CHD8: variants seen among roughly 807,000 people sequenced by gnomAD.
The protein encoded by CHD8 is ATP-dependent chromatin remodeler CHD8.
In CHD8, 31 loss-of-function variants were observed where a neutral mutation model predicts 279.2. That is an observed-to-expected ratio of 0.11 (90% CI 0.08 to 0.15). The LOEUF is 0.15. Among genes scored for constraint, CHD8 ranks in the 10% least tolerant of loss-of-function variants. The pLI is 1.00. For missense variants in CHD8, 2,146 were observed against 3,230.5 expected, an observed-to-expected ratio of 0.66 and a Z score of 8.14; for synonymous variants, 1,081 against 1,139.6, an observed-to-expected ratio of 0.95 and a Z score of 1.04.
In CHD8 at chr14:21,428,081, C is replaced by T; in HGVS notation, c.1389G>A (p.Arg463=). 6.2e-7 allele frequency: 1 copy of T among 1,614,016 alleles called. No individual in the cohort carries two copies. The highest frequency in any genetic ancestry group is 1.3e-5 in the African/African-American group (1 of 75,042). Reference sequence around the variant, plus strand: ...CTCTCGCAATGGCCTCTGCTACAATCCGATTTGCTTTCTCTTGCTTCTTCT... The same window carrying T: ...CTCTCGCAATGGCCTCTGCTACAATTCGATTTGCTTTCTCTTGCTTCTTCT... The part of the protein sequence containing the change: ...EHQKKQEKAN[R]IVAEAIARAR... Residue 463 remains arginine, a synonymous_variant, in exon 4 of 38, where the codon CGG becomes CGA. Coordinates refer to ENST00000646647, the MANE Select transcript of CHD8 (RefSeq NM_001170629.2).
At chr14:21,398,821 C>T (rs1887904260) in intron 26 of CHD8, 1 of 195,302 alleles carries the variant, frequency 5.1e-6, no homozygotes, top group South Asian at 8.6e-5. Flanking sequence ...CTGCCTCATA[C>T]CTATATCAGA....
At position 21,444,268 on chromosome 14, in the gene CHD8, G is replaced by GA. The variant is rs796639539; in HGVS notation, c.-216+11763dup. Among the ~76,000 whole-genome samples, 55 of 151,970 alleles carry GA rather than the reference G, an allele frequency of 3.6e-4. 2 individuals are homozygous for GA. Among genetic ancestry groups the GA allele is most frequent in the Middle Eastern group, 3.4e-3 (1 of 294 alleles). ...TTGACAAATGTTGTTGGATAAATTG[G>GA]AAAAAAAATTGTTTTTGCTAATATC... On this transcript the variant is annotated intron_variant, in intron 1 of 37. Coordinates refer to ENST00000646647, the MANE Select transcript of CHD8 (RefSeq NM_001170629.2).
In CHD8 at chr14:21,394,151, T is replaced by C; in HGVS notation, c.5644A>G (p.Arg1882Gly). 3.1e-6 allele frequency: 5 copies of C among 1,608,870 alleles called. No homozygotes were observed. The South Asian group carries it at 5.5e-5, about 18-fold the overall frequency. Residue 1882 changes from arginine (R) to glycine (G), a missense_variant, in exon 32 of 38, where the codon AGA becomes GGA. Around this residue, in one of 26 missense-constraint regions of CHD8, gnomAD observed 513 missense variants for 637.6 expected, o/e 0.80. Transcript: ENST00000646647. ...ATACGGTAGAGAGTCCGTGAGGCTCTCTCCTCAGTGATGGGCTCAATGAAC... is the reference window on the plus strand; with the variant it reads ...ATACGGTAGAGAGTCCGTGAGGCTCCCTCCTCAGTGATGGGCTCAATGAAC... The part of the protein sequence containing the change: ...NLFIEPITEE[R>G]ASRTLYRIEL...
At chr14:21,392,418 A>G in intron 34 of CHD8, 89 bp downstream of exon 34, 1 of 1,267,802 alleles carries the variant, frequency 7.9e-7, no homozygotes. Flanking sequence ...TAGCTAACCA[A>G]ATGAGTTTAG....
intron 3 of CHD8, 142 bp from the exon 4 acceptor site, chr14:21,428,396 A>G: frequency 1.3e-6 from 1 of 741,218 alleles, no homozygotes; most frequent in Non-Finnish European, 2.1e-6. Context: ...TTGAACCTAC[A>G]CCTACTTTTT....
rs747391704 is a variant in CHD8 at position 21,394,441 on chromosome 14, G to T, written c.5435C>A (p.Thr1812Lys). 1 of 1,612,278 alleles carries T rather than the reference G, an allele frequency of 6.2e-7. No individual in the cohort carries two copies. Among genetic ancestry groups the T allele is most frequent in the Admixed American group, 1.7e-5 (1 of 59,640 alleles). Residue 1812 changes from threonine to lysine, a missense_variant, in exon 31 of 38, where the codon ACG becomes AAG. By Grantham distance (78) the Thr-to-Lys change is moderately conservative (BLOSUM62 -1). Around this residue, in one of 26 missense-constraint regions of CHD8, gnomAD observed 513 missense variants for 637.6 expected, o/e 0.80. Transcript: ENST00000646647. The stretch of plus-strand genomic sequence containing the variant: ...GTCAGGGTCATATTCCACACCAAAC[G>T]TAGACACCACTCGATAAAAATCAGT... Reference protein sequence around the residue: ...EQTDFYRVVSTFGVEYDPDTM... With the variant: ...EQTDFYRVVSKFGVEYDPDTM...
At chr14:21,422,931 A>G (rs1594369343) in intron 5 of CHD8, among the ~76,000 whole-genome samples, 1 of 152,298 alleles carries the variant, frequency 6.6e-6, no homozygotes, top group East Asian at 1.9e-4. Flanking sequence ...TCTGTCTCAG[A>G]AAAAAAGAAG....
At chr14:21,441,456 G>C (rs572515500) in intron 1 of CHD8, among the ~76,000 whole-genome samples, 45 of 152,290 alleles carry the variant, frequency 3.0e-4, no homozygotes, top group African/African-American at 1.1e-3. Context: ...TGATAGAATT[G>C]TTTATTGGCC....
At position 21,431,624 on chromosome 14, in the gene CHD8, T is replaced by C; in HGVS notation, c.20A>G (p.Asp7Gly). 6.5e-7 allele frequency: 1 copy of C among 1,539,592 alleles called. No individual in the cohort carries two copies. Among genetic ancestry groups the C allele is most frequent in the African/African-American group, 1.4e-5 (1 of 73,106 alleles). ...AAATAAATTTGGGTCATCGAACAGA[T>C]CCATGATGGGGTCTGCCATCTTGGG... MADPIM[D>G]LFDDPNLFGL... is the part of the protein sequence containing the mutation. The change falls in exon 2 of 38, where the codon GAT becomes GGT. Residue 7 changes from aspartate to glycine, a missense_variant. Transcript: ENST00000646647.
chr14:21,439,848 A>T (rs1298642411), intron 1 of CHD8, among the ~76,000 whole-genome samples: 1 of 152,256 alleles, frequency 6.6e-6, no homozygotes, highest in East Asian at 1.9e-4. Context: ...TCTGAGCCTA[A>T]TATTGCTGCC....
intron 37 of CHD8, among the ~76,000 whole-genome samples, chr14:21,387,873 G>T (rs1241114369): frequency 1.3e-5 from 2 of 150,278 alleles, no homozygotes; most frequent in Non-Finnish European, 3.0e-5. Flanking sequence ...GATTTTCTAT[G>T]ATATTTCTTA....
At chr14:21,423,590 G>A (rs146755977) in intron 5 of CHD8, among the ~76,000 whole-genome samples, 3 of 152,154 alleles carry the variant, frequency 2.0e-5, no homozygotes, top group African/African-American at 4.8e-5. Context: ...AGGCTGGAGT[G>A]CAGTAGCATG....
Position 21,401,199 on chromosome 14 carries a change from T to C in CHD8, c.4174-128A>G, listed in dbSNP as rs116406114. 1,759 of 902,732 alleles carry C rather than the reference T, an allele frequency of 1.9e-3. 17 individuals are homozygous for C. The African/African-American group carries it at 0.024, about 12-fold the overall frequency. The allele number at this position is 902,732 out of a possible 1,614,324, so 55.9% of individuals were successfully genotyped here. A position where few individuals can be genotyped will look rare whatever the true frequency, so the allele number is the denominator to read the frequency against. ...TACTCAGAGATTTTTTTAAATGACATGTAAAATAATCTACAGAAAGCAAAA... is the reference window on the plus strand; with the variant it reads ...TACTCAGAGATTTTTTTAAATGACACGTAAAATAATCTACAGAAAGCAAAA... On this transcript the variant is annotated intron_variant, in intron 21 of 37. Transcript: ENST00000646647.
At chr14:21,423,294 CATA>C (rs540028256) in intron 5 of CHD8, among the ~76,000 whole-genome samples, 29 of 152,234 alleles carry the variant, frequency 1.9e-4, no homozygotes, top group African/African-American at 6.3e-4. Context: ...TCAAGGTGCC[CATA>C]TTTGGCGAGG....
chr14:21,393,577 A>G lies in CHD8; in HGVS notation c.6218T>C (p.Leu2073Pro). 1.2e-6 allele frequency: 2 copies of G among 1,613,200 alleles called. No individual in the cohort carries two copies. The highest frequency in any genetic ancestry group is 1.3e-5 in the African/African-American group (1 of 75,046). Reference protein sequence around the residue: ...LEDEDDSDSELDLSKLSPSSS... With the variant: ...LEDEDDSDSEPDLSKLSPSSS... Reference sequence around the variant, plus strand: ...AGATGGTGACAGCTTGCTCAAGTCCAGCTCAGAGTCCGAATCATCCTCATC... The same window carrying G: ...AGATGGTGACAGCTTGCTCAAGTCCGGCTCAGAGTCCGAATCATCCTCATC... The change falls in exon 32 of 38, where the codon CTG (leucine) becomes CCG (proline). Residue 2073 changes from leucine to proline, a missense_variant. Around this residue, in one of 26 missense-constraint regions of CHD8, gnomAD observed 513 missense variants for 637.6 expected, o/e 0.80. Coordinates refer to ENST00000646647, the MANE Select transcript of CHD8 (RefSeq NM_001170629.2).
chr14:21,394,923 C>T lies in CHD8; in HGVS notation c.5379G>A (p.Glu1793=), dbSNP rs1221050829. The change falls in exon 30 of 38, where the codon GAG becomes GAA. Residue 1793 remains glutamate (E), a synonymous_variant. Transcript: ENST00000646647. The part of the protein sequence containing the change: ...AFKLKEIARR[E]KQQRWTRREQ... ...CAGCTATATTTTACCGTTGTTGTTT[C>T]TCCCGCCGTGCAATTTCTTTCAGCT... The T allele has an allele frequency of 1.2e-6, 2 of 1,613,712 alleles. No individual in the cohort carries two copies. The highest frequency in any genetic ancestry group is 1.7e-5 in the Admixed American group (1 of 60,006).
rs577919700 is a variant in CHD8, at chr14:21,413,395, C to CT, written c.2143-400dup. Among the ~76,000 whole-genome samples, 1,211 of 141,274 alleles carry CT rather than the reference C, an allele frequency of 8.6e-3. 9 individuals are homozygous for CT. Among genetic ancestry groups the CT allele is most frequent in the African/African-American group, 0.018 (687 of 38,718 alleles). The allele number at this position is 141,274 out of a possible 152,430, so 92.7% of individuals were successfully genotyped here. ...TTTCTACTCTGCTTTATACCTAAACCTTTTTTTTTTTTTTTTTGAGGTAGA... is the reference window on the plus strand; with the variant it reads ...TTTCTACTCTGCTTTATACCTAAACCTTTTTTTTTTTTTTTTTTGAGGTAGA... On this transcript the variant is annotated intron_variant, in intron 9 of 37. Transcript: ENST00000646647.
Position 21,385,873 on chromosome 14 carries a change from G to T in CHD8, c.7486C>A (p.His2496Asn). Residue 2496 changes from histidine (H) to asparagine (N), a missense_variant, in exon 38 of 38, where the codon CAC becomes AAC. Transcript: ENST00000646647. ...TGATGGTGGGGGTGGGGGTGGTGGT[G>T]GTGGTGATGAAGCATGGTGCTGGAG... is the stretch of plus-strand genomic sequence containing the variant. ...VDSSTMLHHH[H>N]HHPHPHHHHH... 1 of 1,550,520 alleles carries T rather than the reference G, an allele frequency of 6.4e-7. No individual in the cohort carries two copies. The highest frequency in any genetic ancestry group is 1.8e-4 in the Middle Eastern group (1 of 5,410).
At chr14:21,414,808 C>T in intron 8 of CHD8, 130 bp downstream of exon 8, 1 of 696,792 alleles carries the variant, frequency 1.4e-6, no homozygotes, top group Non-Finnish European at 2.5e-6. Flanking sequence ...AGCCATTTTT[C>T]CCCATTAAAA....
Sources: gnomAD v4.1 joint callset for allele counts (sites outside exome capture counted in the v4.1 genomes callset) on GRCh38, gnomAD v4.1.1 for gene constraint, gnomAD v4.1.1 regional missense constraint, MANE v1.5 for transcripts, NCBI Gene and HGNC (gene_info 2026-07-23, HGNC 2026-07-21) for gene names.